The following CLASP1 variants were observed in gnomAD, a reference collection of about 807,000 sequenced individuals.
The protein encoded by CLASP1 is cytoplasmic linker associated protein 1, also known as CLIP-associating protein 1.
In CLASP1, 38 loss-of-function variants were observed where a neutral mutation model predicts 192.3. The observed-to-expected ratio is 0.20, with a 90% CI of 0.15 to 0.26. The LOEUF (loss-of-function observed/expected upper bound fraction) is 0.26, where lower values mean the gene tolerates loss of function less well. Among genes scored for constraint, CLASP1 ranks in the 10% least tolerant of loss-of-function variants. CLASP1 has a pLI of 1.00. For missense variants in CLASP1, 1,433 were observed against 1,932.5 expected (o/e 0.74, Z 4.85); for synonymous variants, 691 against 712.8 (o/e 0.97, Z 0.49).
chr2:121,400,853 C>T (rs956972525), intron 28 of CLASP1, among the ~76,000 whole-genome samples: 3 of 152,204 alleles, frequency 2.0e-5, no homozygotes, highest in Admixed American at 6.5e-5. Context: ...CCATCTTCCA[C>T]CAAATCACAA....
chr2:121,535,776 C>T (rs1248279742), intron 2 of CLASP1, among the ~76,000 whole-genome samples: 1 of 151,720 alleles, frequency 6.6e-6, no homozygotes, highest in Non-Finnish European at 1.5e-5. Flanking sequence ...AGCAACCTGC[C>T]CCCTCCCCAG....
intron 1 of CLASP1, among the ~76,000 whole-genome samples, chr2:121,644,488 T>A (rs2072764036): frequency 6.6e-6 from 1 of 151,948 alleles, no homozygotes; most frequent in African/African-American, 2.4e-5. Flanking sequence ...CCGTCTCTAC[T>A]AGAAATATAA....
intron 2 of CLASP1, among the ~76,000 whole-genome samples, chr2:121,599,443 C>G (rs1392433344): frequency 6.7e-6 from 1 of 150,158 alleles, no homozygotes; most frequent in Admixed American, 6.6e-5. Flanking sequence ...CAAAAATTAG[C>G]CAGGTGTGGT....
intron 2 of CLASP1, among the ~76,000 whole-genome samples, chr2:121,582,064 G>T (rs1191271497): frequency 6.6e-6 from 1 of 152,014 alleles, no homozygotes; most frequent in Non-Finnish European, 1.5e-5. Context: ...GTGGGAGGCT[G>T]AGGCAGGAGA....
At chr2:121,625,967 C>A (rs2068268162) in intron 1 of CLASP1, among the ~76,000 whole-genome samples, 1 of 151,930 alleles carries the variant, frequency 6.6e-6, no homozygotes, top group East Asian at 2.0e-4. Flanking sequence ...GGCATGGTGG[C>A]ACGCACCTGT....
At chr2:121,590,924 A>G (rs2062322144) in intron 2 of CLASP1, among the ~76,000 whole-genome samples, 1 of 149,818 alleles carries the variant, frequency 6.7e-6, no homozygotes, top group Admixed American at 6.7e-5. Context: ...CTGGAGAGCA[A>G]TGGTGCAATC....
chr2:121,597,097 A>G (rs1380984849), intron 2 of CLASP1, among the ~76,000 whole-genome samples: 1 of 152,200 alleles, frequency 6.6e-6, no homozygotes, highest in Non-Finnish European at 1.5e-5. Context: ...AGCAACTGGC[A>G]CATCATACGT....
chr2:121,468,951 C>T (rs981403586), intron 9 of CLASP1, among the ~76,000 whole-genome samples: 3 of 152,108 alleles, frequency 2.0e-5, no homozygotes, highest in South Asian at 2.1e-4. Context: ...GAGTTTTCAG[C>T]GCTTTTGTGT....
chr2:121,381,485 T>A (rs1243195426), intron 33 of CLASP1, among the ~76,000 whole-genome samples: 5 of 152,156 alleles, frequency 3.3e-5, no homozygotes, highest in Admixed American at 1.3e-4. Context: ...ACATCTGCAG[T>A]ACTATGTGGA....
chr2:121,530,903 G>A lies in CLASP1; in HGVS notation c.196-578C>T, dbSNP rs754423211. 106 of 695,272 alleles carry A rather than the reference G, an allele frequency of 1.5e-4. No individual in the cohort carries two copies. The highest frequency in any genetic ancestry group is 1.1e-3 in the Middle Eastern group (3 of 2,740). 43.1% of individuals were successfully genotyped at this position (695,272 alleles called of 1,614,324 possible). On this transcript the variant is annotated intron_variant, in intron 2 of 39. Transcript: ENST00000263710. The stretch of plus-strand genomic sequence containing the variant: ...ATAACCATCCTTTTCTTGGGGTTGC[G>A]CTACTGTCCAATGAGCGCATAGTGA...
chr2:121,358,286 C>G (rs2149205131), intron 37 of CLASP1, among the ~76,000 whole-genome samples: 1 of 152,334 alleles, frequency 6.6e-6, no homozygotes, highest in South Asian at 2.1e-4. Flanking sequence ...TCAACAGCAA[C>G]CTGTATTATC....
chr2:121,404,319 A>G, intron 26 of CLASP1, 52 bp downstream of exon 27: 1 of 1,594,828 alleles, frequency 6.3e-7, no homozygotes, highest in Non-Finnish European at 8.5e-7. Flanking sequence ...TATCACACAG[A>G]GCACACAGAC....
intron 2 of CLASP1, among the ~76,000 whole-genome samples, chr2:121,544,815 G>A (rs2095298586): frequency 6.6e-6 from 1 of 152,108 alleles, no homozygotes; most frequent in South Asian, 2.1e-4. Context: ...CAAAAGAGAG[G>A]TGAAGGCAAT....
At chr2:121,571,968 CAAA>C (rs562311464) in intron 2 of CLASP1, among the ~76,000 whole-genome samples, 1 of 125,696 alleles carries the variant, frequency 8.0e-6, no homozygotes, top group Non-Finnish European at 1.7e-5. Flanking sequence ...GTACTGATTA[CAAA>C]AAAAAAAAGA....
intron 2 of CLASP1, among the ~76,000 whole-genome samples, chr2:121,602,904 A>G (rs985212193): frequency 6.6e-6 from 1 of 152,218 alleles, no homozygotes; most frequent in Non-Finnish European, 1.5e-5. Flanking sequence ...CTGGGAAAAT[A>G]TTTTATAAAT....
At chr2:121,537,423 G>GAA (rs2095119438) in intron 2 of CLASP1, among the ~76,000 whole-genome samples, 4 of 151,622 alleles carry the variant, frequency 2.6e-5, no homozygotes, top group Admixed American at 2.0e-4. Context: ...GAGAGAGAGA[G>GAA]AAGCAATACC....
intron 1 of CLASP1, among the ~76,000 whole-genome samples, chr2:121,639,152 C>T (rs140059055): frequency 0.038 from 5,810 of 152,060 alleles, 157 homozygotes; most frequent in East Asian, 0.14. Context: ...TGGTGGGTGC[C>T]TGTAGTCCCA....
At chr2:121,362,488 A>G (rs926273953) in intron 37 of CLASP1, among the ~76,000 whole-genome samples, 3 of 152,212 alleles carry the variant, frequency 2.0e-5, no homozygotes, top group African/African-American at 7.2e-5. Context: ...AACTGCAGAG[A>G]TAGCTTGCTA....
In CLASP1 at chr2:121,530,921, C is replaced by T. The variant is rs555609754; in HGVS notation, c.196-596G>A. On this transcript the variant is annotated intron_variant, in intron 2 of 39. Transcript: ENST00000263710. The stretch of plus-strand genomic sequence containing the variant: ...GGGTTGCGCTACTGTCCAATGAGCG[C>T]ATAGTGAGGGCAGTACTGCTAACGC... 1.0e-3 allele frequency: 712 copies of T among 699,880 alleles called. No homozygotes were observed. The highest frequency in any genetic ancestry group is 1.3e-3 in the African/African-American group (72 of 57,290). 43.4% of individuals were successfully genotyped at this position (699,880 alleles called of 1,614,324 possible).
Sources: allele counts gnomAD v4.1 joint callset (sites outside exome capture counted in the v4.1 genomes callset), GRCh38; gene constraint gnomAD v4.1.1; transcripts MANE v1.5; gene names NCBI Gene and HGNC (gene_info 2026-07-23, HGNC 2026-07-21).